Variants in ROBO2 observed in about 807,000 individuals in gnomAD.
ROBO2 encodes the protein roundabout homolog 2.
In ROBO2, 53 loss-of-function variants were observed where a neutral mutation model predicts 160.8. The ratio of observed to expected loss-of-function variants is 0.33; its 90% CI spans 0.26 to 0.41. ROBO2 has a LOEUF of 0.41. Among genes scored for constraint, ROBO2 ranks in the 10% least tolerant of loss-of-function variants. ROBO2 has a pLI of 1.00. For missense variants in ROBO2, 1,577 were observed against 1,722.4 expected (o/e 0.92, Z 1.49); for synonymous variants, 664 against 611.7 (o/e 1.09, Z -1.26).
At chr3:76,624,125 T>C (rs2089438922) in intron 2 of ROBO2, among the ~76,000 whole-genome samples, 1 of 152,228 alleles carries the variant, frequency 6.6e-6, no homozygotes. Context: ...CATAATTGTG[T>C]AAGAATTAAC....
intron 2 of ROBO2, among the ~76,000 whole-genome samples, chr3:76,303,880 T>C (rs1186771200): frequency 1.6e-4 from 25 of 152,200 alleles, no homozygotes; most frequent in Admixed American, 1.6e-3. Flanking sequence ...TGAGAACTGA[T>C]GTGCAACCCG....
At chr3:76,021,142 A>C (rs2066563480) in intron 2 of ROBO2, among the ~76,000 whole-genome samples, 1 of 151,798 alleles carries the variant, frequency 6.6e-6, no homozygotes, top group South Asian at 2.1e-4. Context: ...AAAGAAGGGT[A>C]ACAGTGTGAA....
At chr3:76,781,745 A>G (rs1231287108) in intron 2 of ROBO2, among the ~76,000 whole-genome samples, 2 of 150,740 alleles carry the variant, frequency 1.3e-5, no homozygotes, top group Admixed American at 1.3e-4. Context: ...ATCCTCCTTG[A>G]TCATAGCGAA....
intron 1 of ROBO2, among the ~76,000 whole-genome samples, chr3:77,045,378 G>A (rs1202724308): frequency 1.3e-5 from 2 of 152,108 alleles, no homozygotes; most frequent in Admixed American, 1.3e-4. Context: ...TTAAATACAT[G>A]TTTGGATTGA....
chr3:77,559,772 A>C (rs923673028), intron 9 of ROBO2, among the ~76,000 whole-genome samples: 4 of 152,062 alleles, frequency 2.6e-5, no homozygotes, highest in Non-Finnish European at 5.9e-5. Context: ...ACATGCACAC[A>C]CATGCACACA....
At chr3:76,750,340 G>A (rs1046047165) in intron 2 of ROBO2, among the ~76,000 whole-genome samples, 71 of 151,958 alleles carry the variant, frequency 4.7e-4, no homozygotes, top group South Asian at 3.1e-3. Context: ...AGCCAATATC[G>A]TACTGAATGG....
chr3:76,198,042 A>G lies in ROBO2; in HGVS notation c.109+260440A>G, dbSNP rs1002501329. 3.3e-5 allele frequency among the ~76,000 whole-genome samples: 5 copies of G among 152,134 alleles called. No individual in the cohort carries two copies. The East Asian group carries it at 9.6e-4, about 29-fold the overall frequency. ...CCAAAGTACAACTGTAAGCACCCCA[A>G]CCGACTAAACGGATCCCTCCTCTAG... On this transcript the variant is annotated intron_variant, in intron 2 of 26. Transcript: ENST00000487694.
At chr3:77,612,963 A>G (rs2153699696) in intron 21 of ROBO2, among the ~76,000 whole-genome samples, 1 of 152,076 alleles carries the variant, frequency 6.6e-6, no homozygotes, top group Non-Finnish European at 1.5e-5. Context: ...AAAAAAAAAG[A>G]AAAAAAATAG....
chr3:77,088,613 T>C lies in ROBO2; in HGVS notation c.62-9401T>C, dbSNP rs186055030. 4.7e-4 allele frequency among the ~76,000 whole-genome samples: 71 copies of C among 152,280 alleles called. 1 individual carries two copies. Among genetic ancestry groups the C allele is most frequent in the Admixed American group, 3.5e-3 (53 of 15,290 alleles). The stretch of plus-strand genomic sequence containing the variant: ...TTATTTTTAAGATACCTATCCAATA[T>C]AGCCAGTTAGTCTTTGGTTAAAATG... On this transcript the variant is annotated intron_variant, in intron 1 of 25. Transcript: ENST00000461745.
intron 2 of ROBO2, among the ~76,000 whole-genome samples, chr3:76,194,808 C>G (rs538456199): frequency 7.2e-5 from 11 of 152,012 alleles, no homozygotes; most frequent in African/African-American, 2.7e-4. Context: ...TTAGTAGAGA[C>G]GGGGTTTCAC....
At chr3:76,122,270 T>A (rs1413127232) in intron 2 of ROBO2, among the ~76,000 whole-genome samples, 1 of 152,202 alleles carries the variant, frequency 6.6e-6, no homozygotes, top group Non-Finnish European at 1.5e-5. Flanking sequence ...ATTAGGCTCT[T>A]GGACCTCAAA....
rs554592531 is a variant in ROBO2 at position 76,082,282 on chromosome 3, G to T, written c.109+144680G>T. Among the ~76,000 whole-genome samples the T allele has an allele frequency of 3.9e-5, 6 of 152,188 alleles. No homozygotes were observed. In the East Asian group the frequency reaches 9.7e-4, roughly 24 times the overall value. ...TGACATTTAAGATGAGTCCTTAAGG[G>T]TTTAGCAGAAAGTTAATGGATTGGG... On this transcript the variant is annotated intron_variant, in intron 2 of 26. Coordinates refer to the ROBO2 transcript ENST00000487694.
intron 2 of ROBO2, among the ~76,000 whole-genome samples, chr3:77,253,799 C>T (rs1032471074): frequency 1.3e-5 from 2 of 152,078 alleles, no homozygotes; most frequent in African/African-American, 4.8e-5. Context: ...AGAACCAGAT[C>T]ATATTCATAC....
At chr3:77,170,515 T>G (rs1251145733) in intron 2 of ROBO2, among the ~76,000 whole-genome samples, 4 of 152,182 alleles carry the variant, frequency 2.6e-5, no homozygotes, top group Non-Finnish European at 5.9e-5. Context: ...CCTTTTCCAA[T>G]AAGTCAGTAA....
intron 2 of ROBO2, among the ~76,000 whole-genome samples, chr3:76,380,040 T>TA (rs921642221): frequency 7.2e-5 from 11 of 152,098 alleles, no homozygotes; most frequent in East Asian, 1.9e-4. Flanking sequence ...CCAGTATCAC[T>TA]AAAAAAAATC....
intron 2 of ROBO2, among the ~76,000 whole-genome samples, chr3:77,003,064 T>G (rs984434645): frequency 8.5e-5 from 13 of 152,180 alleles, no homozygotes; most frequent in African/African-American, 3.1e-4. Flanking sequence ...TCTCTAGTTT[T>G]TATCTCTATA....
chr3:77,294,707 CA>C (rs879783129), intron 2 of ROBO2, among the ~76,000 whole-genome samples: 2 of 139,082 alleles, frequency 1.4e-5, no homozygotes, highest in Non-Finnish European at 3.0e-5. Flanking sequence ...GCTAGATCAC[CA>C]AAGACATGAA....
chr3:77,102,327 C>A (rs1019285250), intron 2 of ROBO2, among the ~76,000 whole-genome samples: 1 of 151,958 alleles, frequency 6.6e-6, no homozygotes, highest in African/African-American at 2.4e-5. Context: ...TTGTGCTAGG[C>A]ATTGTAAGAT....
At chr3:76,464,580 C>CAA (rs201709846) in intron 2 of ROBO2, among the ~76,000 whole-genome samples, 2 of 145,508 alleles carry the variant, frequency 1.4e-5, no homozygotes, top group Non-Finnish European at 3.0e-5. Context: ...AGACTAATCT[C>CAA]AAAAAAAAAA....
Sources: gnomAD v4.1 joint callset for allele counts (sites outside exome capture counted in the v4.1 genomes callset) on GRCh38, gnomAD v4.1.1 for gene constraint, MANE v1.5 for transcripts, NCBI Gene and HGNC (gene_info 2026-07-23, HGNC 2026-07-21) for gene names.